OSBPL9: variants seen among roughly 807,000 people sequenced by gnomAD.
OSBPL9 encodes the protein oxysterol binding protein like 9, also known as oxysterol-binding protein-related protein 9.
A neutral mutation model predicts 106.6 loss-of-function variants in OSBPL9; 40 were observed. That is an observed-to-expected ratio of 0.38 (90% CI 0.29 to 0.49). OSBPL9 has a LOEUF of 0.49. Among genes scored for constraint, OSBPL9 ranks in the 20% least tolerant of loss-of-function variants. The pLI, the probability that OSBPL9 is intolerant of heterozygous loss-of-function variation, is 0.97. For missense variants in OSBPL9, 609 were observed against 887.2 expected, an observed-to-expected ratio of 0.69 and a Z score of 3.98; for synonymous variants, 269 against 295.4, an observed-to-expected ratio of 0.91 and a Z score of 0.92.
At chr1:51,613,326 C>G (rs142779702), upstream of OSBPL9, among the ~76,000 whole-genome samples, 2 of 152,312 alleles carry the variant, frequency 1.3e-5, no homozygotes, top group East Asian at 3.9e-4. Flanking sequence ...TCTGGAACAT[C>G]AAGTTTCTAT....
intron 2 of OSBPL9, among the ~76,000 whole-genome samples, chr1:51,653,119 A>G (rs1023003858): frequency 7.9e-5 from 12 of 152,206 alleles, no homozygotes; most frequent in African/African-American, 2.7e-4. Context: ...CAGGATGGAA[A>G]TGAGACAGGC....
intron 1 of OSBPL9, among the ~76,000 whole-genome samples, chr1:51,622,250 T>G (rs1220998499): frequency 6.6e-6 from 1 of 152,128 alleles, no homozygotes; most frequent in Admixed American, 6.5e-5. Flanking sequence ...AGTCTGGAGC[T>G]TGGGACAAAA....
At chr1:51,622,788 C>G (rs938522957) in intron 1 of OSBPL9, among the ~76,000 whole-genome samples, 1 of 152,240 alleles carries the variant, frequency 6.6e-6, no homozygotes, top group Non-Finnish European at 1.5e-5. Flanking sequence ...GAGACCACCA[C>G]TTCTGCCTTA....
intron 1 of OSBPL9, among the ~76,000 whole-genome samples, chr1:51,595,142 A>G (rs1337830564): frequency 6.6e-6 from 1 of 152,116 alleles, no homozygotes; most frequent in African/African-American, 2.4e-5. Context: ...GACAAATCCC[A>G]GGGCACCACC....
intron 3 of OSBPL9, among the ~76,000 whole-genome samples, chr1:51,683,745 A>G (rs945014002): frequency 6.6e-6 from 1 of 151,940 alleles, no homozygotes; most frequent in African/African-American, 2.4e-5. Flanking sequence ...GTGAGCCAAG[A>G]TCGCGCCCCT....
intron 5 of OSBPL9, among the ~76,000 whole-genome samples, chr1:51,746,431 A>G (rs1667990073): frequency 1.3e-5 from 2 of 152,330 alleles, no homozygotes; most frequent in East Asian, 1.9e-4. Context: ...AAAAACTTCA[A>G]GTTTGAATTC....
At chr1:51,557,495 C>T in the OSBPL9 span, among the ~76,000 whole-genome samples, 1 of 152,192 alleles carries the variant, frequency 6.6e-6, no homozygotes, top group Non-Finnish European at 1.5e-5. Context: ...ACATTAAACT[C>T]ATGGGCTATG....
In OSBPL9 at chr1:51,683,372, G is replaced by A. The variant is rs186486003; in HGVS notation, c.241+13860G>A. ...ACTTTGTATTTTTGGTAGAGACAAG[G>A]TTTCTCCTTGTTGGTCAGGCTGGTC... On this transcript the variant is annotated intron_variant, in intron 3 of 23. Transcript: ENST00000428468. 3.1e-3 allele frequency among the ~76,000 whole-genome samples: 471 copies of A among 151,402 alleles called. 2 individuals carry two copies. The highest frequency in any genetic ancestry group is 0.011 in the African/African-American group (445 of 41,252).
upstream of OSBPL9, among the ~76,000 whole-genome samples, chr1:51,575,212 T>G (rs1645176185): frequency 6.6e-6 from 1 of 152,100 alleles, no homozygotes; most frequent in Non-Finnish European, 1.5e-5. Flanking sequence ...GTTTGTTTCA[T>G]TTTTTTGAGA....
Position 51,671,845 on chromosome 1 carries a change from G to C in OSBPL9, c.241+2333G>C, listed in dbSNP as rs1410285719. Among the ~76,000 whole-genome samples, 4 of 152,132 alleles carry C rather than the reference G, an allele frequency of 2.6e-5. No individual in the cohort carries two copies. The East Asian group carries it at 7.7e-4, about 29-fold the overall frequency. On this transcript the variant is annotated intron_variant, in intron 3 of 23. Transcript: ENST00000428468. ...GAACAAAGTATATGGCTATGTTGGT[G>C]GGGGAGGTGGGGTGAATACATCATT...
upstream of OSBPL9, among the ~76,000 whole-genome samples, chr1:51,575,453 C>A (rs563429163): frequency 6.6e-6 from 1 of 151,722 alleles, no homozygotes; most frequent in Non-Finnish European, 1.5e-5. Flanking sequence ...TCAAGTGATC[C>A]GCCTGCCTCG....
At chr1:51,756,756 G>A (rs1422945070) in intron 9 of OSBPL9, 1 of 165,408 alleles carries the variant, frequency 6.0e-6, no homozygotes, top group Non-Finnish European at 1.3e-5. Flanking sequence ...TATATTTATA[G>A]GTTCCTATTA....
At position 51,729,004 on chromosome 1, in the gene OSBPL9, A is replaced by G. The variant is rs1663666598; in HGVS notation, c.318+14925A>G. Among the ~76,000 whole-genome samples, 1 of 152,188 alleles carries G rather than the reference A, an allele frequency of 6.6e-6. No homozygotes were observed. The highest frequency in any genetic ancestry group is 2.4e-5 in the African/African-American group (1 of 41,442). ...GGAAAAGGAGCTAGTCCTCCAGATC[A>G]ATAAGTTAATCACTTATGTTTGTGA... On this transcript the variant is annotated intron_variant, in intron 4 of 23. Coordinates refer to ENST00000428468, the MANE Select transcript of OSBPL9 (RefSeq NM_024586.6). This position sits in a 1 kb window ranked among gnomAD's most constrained non-coding sequence, Gnocchi z 5.1.
intron 1 of OSBPL9, among the ~76,000 whole-genome samples, chr1:51,624,860 G>A (rs1000500358): frequency 6.6e-6 from 1 of 152,138 alleles, no homozygotes; most frequent in South Asian, 2.1e-4. Flanking sequence ...TGTACAGCAA[G>A]CTTGTAAACT....
intron 3 of OSBPL9, among the ~76,000 whole-genome samples, chr1:51,711,502 G>A (rs1366484924): frequency 8.9e-5 from 12 of 134,180 alleles, no homozygotes; most frequent in South Asian, 2.4e-4. Flanking sequence ...GCGGCTGGCC[G>A]GGCGGGGGGC....
chr1:51,733,743 C>T (rs1468130026), intron 4 of OSBPL9, among the ~76,000 whole-genome samples: 1 of 151,838 alleles, frequency 6.6e-6, no homozygotes, highest in Non-Finnish European at 1.5e-5. Flanking sequence ...CCATTGCACC[C>T]CAGCCTGGGT....
chr1:51,594,535 A>C (rs1226414090), intron 1 of OSBPL9, among the ~76,000 whole-genome samples: 1 of 152,224 alleles, frequency 6.6e-6, no homozygotes, highest in Non-Finnish European at 1.5e-5. Context: ...AGGAGAAGGA[A>C]CAAACGTTTA....
At chr1:51,523,758 A>G in the OSBPL9 span, among the ~76,000 whole-genome samples, 1 of 152,144 alleles carries the variant, frequency 6.6e-6, no homozygotes, top group Non-Finnish European at 1.5e-5. Context: ...TCATCTTTCT[A>G]TCCTACTCTA....
intron 3 of OSBPL9, among the ~76,000 whole-genome samples, chr1:51,673,854 C>T (rs942068228): frequency 6.6e-6 from 1 of 151,576 alleles, no homozygotes; most frequent in Non-Finnish European, 1.5e-5. Context: ...GCACTCCAGC[C>T]TGGGCAATAT....
Sources: gnomAD v4.1 joint callset for allele counts (sites outside exome capture counted in the v4.1 genomes callset) on GRCh38, gnomAD v4.1.1 for gene constraint, Gnocchi (gnomAD v3.1) non-coding constraint, MANE v1.5 for transcripts, NCBI Gene and HGNC (gene_info 2026-07-23, HGNC 2026-07-21) for gene names.